TCF3: variants seen among roughly 807,000 people sequenced by gnomAD.
TCF3 encodes the protein transcription factor 3.
In TCF3, 54 loss-of-function variants were observed where a neutral mutation model predicts 72.3. The observed-to-expected ratio is 0.75, with a 90% CI of 0.60 to 0.94. The LOEUF (loss-of-function observed/expected upper bound fraction) is 0.94, where lower values mean the gene tolerates loss of function less well. Among genes scored for constraint, TCF3 ranks in the 40% least tolerant of loss-of-function variants. The pLI, the probability that TCF3 is intolerant of heterozygous loss-of-function variation, is 0.00. For missense variants in TCF3, 1,078 were observed against 934.4 expected (o/e 1.15, Z -2.00); for synonymous variants, 525 against 412.6 (o/e 1.27, Z -3.30).
intron 8 of TCF3, among the ~76,000 whole-genome samples, 170 bp from the exon 9 acceptor site, chr19:1,622,585 G>T (rs896632826): frequency 4.6e-5 from 7 of 152,058 alleles, no homozygotes; most frequent in African/African-American, 1.7e-4. Flanking sequence ...CAAGTTTGAG[G>T]TTCTTATGAT....
Position 1,611,215 on chromosome 19 carries a change from G to A in TCF3, c.*492C>T, listed in dbSNP as rs1246524579. The A allele has an allele frequency of 3.6e-6, 1 of 276,570 alleles. No individual in the cohort carries two copies. Among genetic ancestry groups the A allele is most frequent in the Non-Finnish European group, 6.7e-6 (1 of 148,472 alleles). The allele number at this position is 276,570 out of a possible 1,614,324, so 17.1% of individuals were successfully genotyped here. On this transcript the variant is annotated 3_prime_UTR_variant, in exon 19 of 19. Transcript: ENST00000262965. ...TTCCTTAAAAAAAATATTTCGCTTA[G>A]GCACAATTTGCTGGTGGCTTTAGAA...
chr19:1,648,817 TGGG>T (rs4030798), intron 2 of TCF3, among the ~76,000 whole-genome samples: 18,978 of 118,828 alleles, frequency 0.16, 1,372 homozygotes, highest in South Asian at 0.31. Context: ...CCACTGGGCA[TGGG>T]GGGGGGGGGG....
intron 3 of TCF3, among the ~76,000 whole-genome samples, chr19:1,640,097 G>A (rs2065024271): frequency 1.3e-5 from 2 of 152,122 alleles, no homozygotes; most frequent in African/African-American, 2.4e-5. Context: ...GGACCGCGGC[G>A]CCCTCAGCCT....
At chr19:1,634,202 C>T (rs1043630572) in intron 3 of TCF3, among the ~76,000 whole-genome samples, 1 of 152,246 alleles carries the variant, frequency 6.6e-6, no homozygotes, top group Non-Finnish European at 1.5e-5. Context: ...CACATTAATA[C>T]AGTTATTAAA....
intron 7 of TCF3, among the ~76,000 whole-genome samples, chr19:1,624,378 G>A (rs2062626461): frequency 6.6e-6 from 1 of 152,172 alleles, no homozygotes; most frequent in African/African-American, 2.4e-5. Context: ...CCTGGGGACA[G>A]AGAAAGACTC....
At chr19:1,616,107 G>A (rs759486473) in intron 16 of TCF3, among the ~76,000 whole-genome samples, 1 of 152,184 alleles carries the variant, frequency 6.6e-6, no homozygotes, top group Non-Finnish European at 1.5e-5. Context: ...AATCTACTAA[G>A]ATGCTAAAAG....
intron 16 of TCF3, among the ~76,000 whole-genome samples, chr19:1,617,518 G>A (rs933511200): frequency 6.6e-6 from 1 of 152,260 alleles, no homozygotes; most frequent in Non-Finnish European, 1.5e-5. Context: ...CAAAACCCGG[G>A]CTTGGGGAGT....
chr19:1,627,803 TCA>T (rs1419246857), intron 5 of TCF3, among the ~76,000 whole-genome samples: 6 of 118,054 alleles, frequency 5.1e-5, no homozygotes, highest in African/African-American at 1.8e-4. Context: ...ACAGCAGAGC[TCA>T]CAGGGGGTGA....
At chr19:1,650,564 C>G (rs2066863731) in intron 1 of TCF3, 1 of 335,226 alleles carries the variant, frequency 3.0e-6, no homozygotes, top group African/African-American at 2.1e-5. Flanking sequence ...CCTAACTCCC[C>G]CAGGGAACAC....
At chr19:1,646,549 T>G in intron 2 of TCF3, 122 bp from the exon 3 acceptor site, 1 of 844,314 alleles carries the variant, frequency 1.2e-6, no homozygotes, top group East Asian at 2.7e-5. Flanking sequence ...CTGCGCTCCA[T>G]CTAGGCCCGG....
chr19:1,641,216 A>C (rs2065194185), intron 3 of TCF3, among the ~76,000 whole-genome samples: 1 of 152,146 alleles, frequency 6.6e-6, no homozygotes, highest in Non-Finnish European at 1.5e-5. Context: ...AAAAAGATAC[A>C]GCCAACAGCT....
Position 1,622,167 on chromosome 19 carries a change from C to T in TCF3, c.709G>A (p.Gly237Arg), listed in dbSNP as rs916613545. ...LWSPPGQAGF[G>R]PMLGGGSSPL... ...GATGAGCCCCCACCCAGCATGGGCC[C>T]GAAGCCCGCCTGGCCCGGGGGACTC... Residue 237 changes from glycine to arginine, a missense_variant, in exon 10 of 19, where the codon GGG (glycine) becomes AGG (arginine). By Grantham distance (125) the Gly-to-Arg change is moderately radical. Transcript: ENST00000262965. The T allele has an allele frequency of 1.1e-5, 18 of 1,572,944 alleles. 1 individual carries two copies. The highest frequency in any genetic ancestry group is 3.5e-4 in the Middle Eastern group (2 of 5,640).
At chr19:1,637,841 A>G (rs1361930906) in intron 3 of TCF3, among the ~76,000 whole-genome samples, 3 of 152,116 alleles carry the variant, frequency 2.0e-5, no homozygotes, top group South Asian at 2.1e-4. Flanking sequence ...CCCGGGAGGC[A>G]GAGCTTGCAG....
chr19:1,633,018 TGTGGAGACCAGA>T (rs1187927579), intron 3 of TCF3, among the ~76,000 whole-genome samples: 2 of 148,786 alleles, frequency 1.3e-5, no homozygotes, highest in African/African-American at 2.5e-5. Flanking sequence ...ACAAGCCCAG[TGTGGAGACCAGA>T]AGCCTGCGTG....
Position 1,621,143 on chromosome 19 carries a change from G to A in TCF3, c.1004C>T (p.Ala335Val). 6.5e-7 allele frequency: 1 copy of A among 1,541,874 alleles called. No homozygotes were observed. Among genetic ancestry groups the A allele is most frequent in the Non-Finnish European group, 8.7e-7 (1 of 1,145,548 alleles). Residue 335 changes from alanine to valine, a missense_variant, in exon 12 of 19, where the codon GCA becomes GTA. By Grantham distance (64) the Ala-to-Val change is moderately conservative. Coordinates refer to ENST00000262965, the MANE Select transcript of TCF3 (RefSeq NM_003200.5). ...TGCCCCACGCCTCACCGAGGCCAGT[G>A]CTTTGCCGAGGGCATCCCCGGAGCT... ...AGSSGDALGK[A>V]LASIYSPDHS...
At chr19:1,618,475 C>A (rs2061782436) in intron 16 of TCF3, among the ~76,000 whole-genome samples, 1 of 152,148 alleles carries the variant, frequency 6.6e-6, no homozygotes, top group South Asian at 2.1e-4. Flanking sequence ...CCCCGCAGCC[C>A]ACAAGGCCCC....
Position 1,627,402 on chromosome 19 carries a change from T to C in TCF3, c.323A>G (p.Tyr108Cys), listed in dbSNP as rs771302868. 1.7e-5 allele frequency: 27 copies of C among 1,611,950 alleles called. No individual in the cohort carries two copies. Among genetic ancestry groups the C allele is most frequent in the East Asian group, 4.5e-5 (2 of 44,898 alleles). The change falls in exon 6 of 19, where the codon TAT becomes TGT. Residue 108 changes from tyrosine to cysteine, a missense_variant. Coordinates refer to ENST00000262965, the MANE Select transcript of TCF3 (RefSeq NM_003200.5). ...LGGKSGERGA[Y>C]ASFGRDAGVG... is the part of the protein sequence containing the mutation. ...GCCTGCGTCTCTCCCGAAGGAGGCATAGGCGCCCCGCTCACCGCTCTTGCC... is the reference window on the plus strand; with the variant it reads ...GCCTGCGTCTCTCCCGAAGGAGGCACAGGCGCCCCGCTCACCGCTCTTGCC...
intron 8 of TCF3, among the ~76,000 whole-genome samples, chr19:1,623,653 G>A (rs1168491681): frequency 6.6e-6 from 1 of 152,168 alleles, no homozygotes; most frequent in Non-Finnish European, 1.5e-5. Flanking sequence ...CAAAGCGCTG[G>A]GATGACAGGC....
At chr19:1,628,064 G>A (rs1353749852) in intron 5 of TCF3, among the ~76,000 whole-genome samples, 1 of 1,670 alleles carries the variant, frequency 6.0e-4, no homozygotes. Flanking sequence ...GGTGAGGCGG[G>A]AAGGGGACAG....
Sources: gnomAD v4.1 joint callset for allele counts (sites outside exome capture counted in the v4.1 genomes callset) on GRCh38, gnomAD v4.1.1 for gene constraint, MANE v1.5 for transcripts, NCBI Gene and HGNC (gene_info 2026-07-23, HGNC 2026-07-21) for gene names.